ATAD3C: variants seen among roughly 807,000 people sequenced by gnomAD.
The protein encoded by ATAD3C is ATPase family AAA domain-containing protein 3C.
Under a neutral mutation model 46.3 loss-of-function variants are expected in ATAD3C, and 38 were observed. The observed-to-expected ratio is 0.82, with a 90% CI of 0.63 to 1.08. The LOEUF (loss-of-function observed/expected upper bound fraction) is 1.08, where lower values mean the gene tolerates loss of function less well. ATAD3C is among the 50% of genes least tolerant of loss of function. The pLI is 0.00. For missense variants in ATAD3C, 563 were observed against 572.7 expected (o/e 0.98, Z 0.17); for synonymous variants, 220 against 236.4 (o/e 0.93, Z 0.63).
At position 1,452,080 on chromosome 1, in the gene ATAD3C, A is replaced by C. The variant is rs1638869794; in HGVS notation, c.110A>C (p.Glu37Ala). 2 of 1,613,546 alleles carry C rather than the reference A, an allele frequency of 1.2e-6. No homozygotes were observed. Among genetic ancestry groups the C allele is most frequent in the Non-Finnish European group, 1.7e-6 (2 of 1,179,680 alleles). ...AATGAGGATTTACGGAAGCAGGAGGAGTCCGTGCAGAAGCACCATCAGACC... is the reference window on the plus strand; with the variant it reads ...AATGAGGATTTACGGAAGCAGGAGGCGTCCGTGCAGAAGCACCATCAGACC... ...LVNEDLRKQE[E>A]SVQKHHQTFL... The change falls in exon 2 of 12, where the codon GAG becomes GCG. Residue 37 changes from glutamate to alanine, a missense_variant. Around this residue, in one of 3 missense-constraint regions of ATAD3C, gnomAD observed 263 missense variants for 243.1 expected, o/e 1.08. Transcript: ENST00000378785.
rs1639022718 is a variant in ATAD3C, at chr1:1,459,544, C to G, written c.812+313C>G. On this transcript the variant is annotated intron_variant, in intron 9 of 11. Transcript: ENST00000378785. The surrounding 1 kb of genome is among the most constrained non-coding windows in gnomAD (Gnocchi z 4.9). The stretch of plus-strand genomic sequence containing the variant: ...GTCCTGTGCCTGCAAGGGAGGTGGT[C>G]TCATCGTGTGAGGCTCTGCTGGGTC... 6.6e-6 allele frequency among the ~76,000 whole-genome samples: 1 copy of G among 151,778 alleles called. No homozygotes were observed. Among genetic ancestry groups the G allele is most frequent in the Non-Finnish European group, 1.5e-5 (1 of 67,934 alleles).
At chr1:1,465,568 G>A (rs1639131684) in intron 11 of ATAD3C, among the ~76,000 whole-genome samples, 1 of 147,620 alleles carries the variant, frequency 6.8e-6, no homozygotes, top group Non-Finnish European at 1.5e-5. Context: ...TCCAGCCTGG[G>A]CGACAGAGCA....
intron 4 of ATAD3C, among the ~76,000 whole-genome samples, chr1:1,454,766 G>A (rs192889184): frequency 8.8e-4 from 134 of 151,870 alleles, no homozygotes; most frequent in African/African-American, 3.0e-3. Flanking sequence ...TGCAAGACCC[G>A]GGATTTGGGT....
chr1:1,450,895 G>A (rs903888919), intron 1 of ATAD3C, 137 bp downstream of exon 1: 117 of 1,373,144 alleles, frequency 8.5e-5, no homozygotes, highest in South Asian at 1.2e-4. Context: ...AAGCTTGGGC[G>A]CCTCATTTCA....
rs184600398 is a variant in ATAD3C, at chr1:1,452,554, G to C, written c.222+120G>C. On this transcript the variant is annotated intron_variant, in intron 3 of 11. Transcript: ENST00000378785. ...CAGGTCCTGGCGCTCTCCCAGCATG[G>C]AACAAGCCCAAACTGGACCTGCTGG... The C allele has an allele frequency of 2.3e-3, 3,570 of 1,520,750 alleles. 21 individuals are homozygous for C. Among genetic ancestry groups the C allele is most frequent in the Non-Finnish European group, 2.9e-3 (3,167 of 1,108,582 alleles). The allele number at this position is 1,520,750 out of a possible 1,614,324, so 94.2% of individuals were successfully genotyped here. A position where few individuals can be genotyped will look rare whatever the true frequency, so the allele number is the denominator to read the frequency against.
At chr1:1,460,322 C>T (rs963760856) in intron 9 of ATAD3C, among the ~76,000 whole-genome samples, 22 of 151,928 alleles carry the variant, frequency 1.4e-4, no homozygotes, top group African/African-American at 5.3e-4. Context: ...CTCAGGTGAC[C>T]CACCCGCCTC....
Position 1,455,801 on chromosome 1 carries a change from A to G in ATAD3C, c.449A>G (p.Glu150Gly), listed in dbSNP as rs1638949994. 1 of 1,613,394 alleles carries G rather than the reference A, an allele frequency of 6.2e-7. No individual in the cohort carries two copies. The highest frequency in any genetic ancestry group is 8.5e-7 in the Non-Finnish European group (1 of 1,179,674). ...LEGVVLSPSL[E>G]ARVRDIAIMT... ...TGTCTTCCTCGGCAGCCCAGCCTGG[A>G]AGCACGGGTGCGCGACATCGCCATA... The change falls in exon 6 of 12, where the codon GAA becomes GGA. Residue 150 changes from glutamate (E) to glycine (G), a missense_variant. By Grantham distance (98) the Glu-to-Gly change is moderately conservative. This residue lies in a region of ATAD3C where 263 missense variants were observed against 243.1 expected (regional missense o/e 1.08). Transcript: ENST00000378785.
chr1:1,455,617 TC>T (rs1303064030), intron 5 of ATAD3C, 98 bp downstream of exon 5: 5 of 1,586,116 alleles, frequency 3.2e-6, no homozygotes, highest in Non-Finnish European at 4.3e-6. Context: ...GCGCCCAGGA[TC>T]TTTTGGGTCC....
rs537793870 is a variant in ATAD3C, at chr1:1,457,764, C to T, written c.741+584C>T. Among the ~76,000 whole-genome samples, 21 of 151,654 alleles carry T rather than the reference C, an allele frequency of 1.4e-4. No homozygotes were observed. In the South Asian group the frequency reaches 4.2e-3, roughly 30 times the overall value. ...CGTGATCTCGGCTCACTGCAACCTC[C>T]GCCTCCCAGTGCAAGCGATTCTCCT... On this transcript the variant is annotated intron_variant, in intron 8 of 11. Coordinates refer to ENST00000378785, the MANE Select transcript of ATAD3C (RefSeq NM_001039211.3).
intron 6 of ATAD3C, 65 bp from the exon 7 acceptor site, chr1:1,456,160 A>C (rs1638957490): frequency 6.5e-7 from 1 of 1,536,312 alleles, no homozygotes; most frequent in Non-Finnish European, 8.7e-7. Context: ...CTCCGGGTGG[A>C]GTGTGCAGGC....
At position 1,459,147 on chromosome 1, in the gene ATAD3C, C is replaced by T. The variant is rs570046441; in HGVS notation, c.742-14C>T. Reference sequence around the variant, plus strand: ...TTGCTCCTGGTGCCTAAGGCTGGAACCTTCTCTCTGCAGGAGAAGATAAGC... The same window carrying T: ...TTGCTCCTGGTGCCTAAGGCTGGAATCTTCTCTCTGCAGGAGAAGATAAGC... On this transcript the variant is annotated splice_polypyrimidine_tract_variant and intron_variant, in intron 8 of 11. Transcript: ENST00000378785. This position sits in a 1 kb window ranked among gnomAD's most constrained non-coding sequence, Gnocchi z 4.9. The T allele has an allele frequency of 8.1e-6, 13 of 1,607,050 alleles. No individual in the cohort carries two copies. Among genetic ancestry groups the T allele is most frequent in the Admixed American group, 5.1e-5 (3 of 58,758 alleles).
rs1639219413 is a variant in ATAD3C, at chr1:1,470,042, TCCA to T, written c.*1515_*1517del. ...CTGCCCGCAAAACATTGTCCCTAAC[TCCA>T]CCGCCTATCCCAAAACCTGTAAGAA... On this transcript the variant is annotated 3_prime_UTR_variant, in exon 12 of 12. Coordinates refer to ENST00000378785, the MANE Select transcript of ATAD3C (RefSeq NM_001039211.3). 6.6e-6 allele frequency: 1 copy of T among 151,830 alleles called. No individual in the cohort carries two copies. Among genetic ancestry groups the T allele is most frequent in the Non-Finnish European group, 1.5e-5 (1 of 67,958 alleles). The allele number at this position is 151,830 out of a possible 1,614,324, so 9.4% of individuals were successfully genotyped here. A position where few individuals can be genotyped will look rare whatever the true frequency, so the allele number is the denominator to read the frequency against.
rs969358481 is a variant in ATAD3C, at chr1:1,454,562, C to T, written c.378+62C>T. 71 of 1,559,844 alleles carry T rather than the reference C, an allele frequency of 4.6e-5. 2 individuals carry two copies. The highest frequency in any genetic ancestry group is 2.3e-4 in the Middle Eastern group (1 of 4,372). On this transcript the variant is annotated intron_variant, in intron 4 of 11. Coordinates refer to ENST00000378785, the MANE Select transcript of ATAD3C (RefSeq NM_001039211.3). ...GCCTGGCTGAGTCCCTTCTGCCCCA[C>T]GAGCACAGCCCACGCATATACTCCT...
chr1:1,462,628 G>A lies in ATAD3C; in HGVS notation c.1009G>A (p.Gly337Arg), dbSNP rs189474682. 3.0e-3 allele frequency: 4,768 copies of A among 1,604,616 alleles called. 89 individuals carry two copies. Among genetic ancestry groups the A allele is most frequent in the Non-Finnish European group, 3.8e-3 (4,411 of 1,176,142 alleles). Residue 337 changes from glycine to arginine, a missense_variant, in exon 11 of 12, where the codon GGG (glycine) becomes AGG (arginine). By Grantham distance (125) the Gly-to-Arg change is moderately radical. This residue lies in a region of ATAD3C where 273 missense variants were observed against 253.5 expected (regional missense o/e 1.08). Coordinates refer to ENST00000378785, the MANE Select transcript of ATAD3C (RefSeq NM_001039211.3). This position sits in a 1 kb window ranked among gnomAD's most constrained non-coding sequence, Gnocchi z 4.5. ...TCTGAAGCTGGCCCAGTTTGACTAC[G>A]GGAGGAAGTGCTTAGAGATCGCTCG... The part of the protein sequence containing the change: ...RRLKLAQFDY[G>R]RKCLEIARLT...
chr1:1,468,634 A>ACCG lies in ATAD3C; in HGVS notation c.*105_*106insCGC, dbSNP rs1639185745. On this transcript the variant is annotated 3_prime_UTR_variant, in exon 12 of 12. Transcript: ENST00000378785. ...GAAATACTCCCCGTAATAAAGTCCC[A>ACCG]CGGGGGCCGCACCGCTGTGTCTATT... 6.3e-7 allele frequency: 1 copy of ACCG among 1,576,718 alleles called. No individual in the cohort carries two copies. Among genetic ancestry groups the ACCG allele is most frequent in the Non-Finnish European group, 8.6e-7 (1 of 1,156,324 alleles).
At chr1:1,456,157 T>C in intron 6 of ATAD3C, 68 bp from the exon 7 acceptor site, 2 of 1,534,990 alleles carry the variant, frequency 1.3e-6, no homozygotes, top group South Asian at 1.3e-5. Context: ...ACACTCCGGG[T>C]GGAGTGTGCA....
At chr1:1,465,387 T>C (rs1288720756) in intron 11 of ATAD3C, among the ~76,000 whole-genome samples, 2 of 150,572 alleles carry the variant, frequency 1.3e-5, no homozygotes, top group South Asian at 2.1e-4. Context: ...GTCAGGAGAT[T>C]GAGACCATCC....
intron 1 of ATAD3C, 66 bp downstream of exon 1, chr1:1,450,824 G>C: frequency 1.9e-6 from 3 of 1,600,814 alleles, no homozygotes; most frequent in Non-Finnish European, 2.6e-6. Flanking sequence ...GAGATTGGTA[G>C]GGCTACTGCC....
chr1:1,454,529 G>A (rs766980971), intron 4 of ATAD3C, 29 bp downstream of exon 4: 1 of 1,596,316 alleles, frequency 6.3e-7, no homozygotes, highest in Non-Finnish European at 8.5e-7. Context: ...CCCTCCCTGA[G>A]TGCAAGTGCC....
Sources: allele counts gnomAD v4.1 joint callset (sites outside exome capture counted in the v4.1 genomes callset), GRCh38; gene constraint gnomAD v4.1.1; regional missense constraint gnomAD v4.1.1; non-coding constraint Gnocchi (gnomAD v3.1); transcripts MANE v1.5; gene names NCBI Gene and HGNC (gene_info 2026-07-23, HGNC 2026-07-21).